SYT16: variants seen among roughly 807,000 people sequenced by gnomAD.
SYT16 encodes the protein synaptotagmin 16.
Under a neutral mutation model 61.4 loss-of-function variants are expected in SYT16, and 42 were observed. That is an observed-to-expected ratio of 0.68 (90% confidence interval 0.53 to 0.89). The LOEUF is 0.89. SYT16 is among the 40% of genes least tolerant of loss of function. SYT16 has a pLI of 0.00. For synonymous variants in SYT16, 314 were observed against 302.3 expected (o/e 1.04, Z -0.40); for missense variants, 804 against 807.3 (o/e 1.00, Z 0.05).
At chr14:61,862,130 T>C (rs1410617388) in intron 1 of SYT16, among the ~76,000 whole-genome samples, 1 of 152,250 alleles carries the variant, frequency 6.6e-6, no homozygotes, top group Admixed American at 6.5e-5. Flanking sequence ...AAGTATAATT[T>C]GCATGCAAAA....
chr14:61,904,248 G>A (rs566479307), intron 1 of SYT16, among the ~76,000 whole-genome samples: 7 of 152,274 alleles, frequency 4.6e-5, no homozygotes, highest in Admixed American at 1.3e-4. Flanking sequence ...GACTATCAAC[G>A]CTGAGGAAGT....
chr14:61,969,203 G>A (rs368183545), intron 1 of SYT16, among the ~76,000 whole-genome samples: 1 of 151,436 alleles, frequency 6.6e-6, no homozygotes. Context: ...TTTCATAAGC[G>A]TTCACATATA....
At chr14:61,872,320 C>A (rs1348678028) in intron 1 of SYT16, among the ~76,000 whole-genome samples, 1 of 151,884 alleles carries the variant, frequency 6.6e-6, no homozygotes, top group Non-Finnish European at 1.5e-5. Flanking sequence ...GTGTAAAGAT[C>A]AAGTCAGGGT....
chr14:61,968,819 C>T (rs1052892167), intron 1 of SYT16, among the ~76,000 whole-genome samples: 1 of 152,164 alleles, frequency 6.6e-6, no homozygotes, highest in African/African-American at 2.4e-5. Context: ...CTACTGCTAC[C>T]GGGTACTGCT....
chr14:61,849,059 A>G (rs2046529878), intron 1 of SYT16, among the ~76,000 whole-genome samples: 1 of 152,126 alleles, frequency 6.6e-6, no homozygotes, highest in African/African-American at 2.4e-5. Flanking sequence ...TCTTCCCTTC[A>G]AGGCAGCAGG....
At chr14:61,877,198 C>T (rs529007277) in intron 1 of SYT16, among the ~76,000 whole-genome samples, 25 of 152,118 alleles carry the variant, frequency 1.6e-4, no homozygotes, top group Admixed American at 1.2e-3. Flanking sequence ...TGGGGACTGG[C>T]GGTGGTGGAG....
intron 6 of SYT16, among the ~76,000 whole-genome samples, chr14:62,082,328 C>T (rs10150956): frequency 0.53 from 80,557 of 151,954 alleles, 22,667 homozygotes; most frequent in African/African-American, 0.72. Flanking sequence ...GTCTTCAGGC[C>T]TGAAATCCTG....
At chr14:61,856,956 T>C (rs1313745159) in intron 1 of SYT16, among the ~76,000 whole-genome samples, 1 of 152,148 alleles carries the variant, frequency 6.6e-6, no homozygotes, top group Non-Finnish European at 1.5e-5. Flanking sequence ...AAAAAGAGAA[T>C]GATCAACCAT....
At position 62,029,096 on chromosome 14, in the gene SYT16, C is replaced by T. The variant is rs114432683; in HGVS notation, c.523+32554C>T. 1.9e-3 allele frequency among the ~76,000 whole-genome samples: 295 copies of T among 152,270 alleles called. 2 individuals are homozygous for T. The highest frequency in any genetic ancestry group is 6.7e-3 in the African/African-American group (277 of 41,564). On this transcript the variant is annotated intron_variant, in intron 3 of 7. Transcript: ENST00000683842. ...ATCTGAGTGGTTCCCATAGGGCCAGCCTGAGCATCACAGTTAAGAATGAAA... is the reference window on the plus strand; with the variant it reads ...ATCTGAGTGGTTCCCATAGGGCCAGTCTGAGCATCACAGTTAAGAATGAAA...
At chr14:61,858,277 C>T (rs941626735) in intron 1 of SYT16, among the ~76,000 whole-genome samples, 3 of 152,100 alleles carry the variant, frequency 2.0e-5, no homozygotes, top group Admixed American at 1.3e-4. Flanking sequence ...GACTTTTCCA[C>T]CCAGAAGTTA....
intron 3 of SYT16, among the ~76,000 whole-genome samples, chr14:62,020,166 T>C (rs2053855767): frequency 6.6e-6 from 1 of 152,158 alleles, no homozygotes; most frequent in Non-Finnish European, 1.5e-5. Context: ...TCCCTTATTT[T>C]GTGACACCTT....
chr14:62,044,350 G>A (rs1232457947), intron 3 of SYT16, among the ~76,000 whole-genome samples: 1 of 152,086 alleles, frequency 6.6e-6, no homozygotes, highest in Non-Finnish European at 1.5e-5. Context: ...TTGTTACATA[G>A]GTATACACAT....
chr14:62,027,287 T>C (rs1190453619), intron 3 of SYT16, among the ~76,000 whole-genome samples: 1 of 152,188 alleles, frequency 6.6e-6, no homozygotes, highest in Non-Finnish European at 1.5e-5. Flanking sequence ...AGCCATGCTT[T>C]CCAAAATGAA....
chr14:62,011,899 A>ACACG (rs1204838799), intron 3 of SYT16, among the ~76,000 whole-genome samples: 4 of 131,864 alleles, frequency 3.0e-5, no homozygotes, highest in Non-Finnish European at 6.2e-5. Flanking sequence ...ACACACACAC[A>ACACG]CACACATATA....
At chr14:61,887,300 G>C (rs1405632214) in intron 1 of SYT16, among the ~76,000 whole-genome samples, 1 of 152,144 alleles carries the variant, frequency 6.6e-6, no homozygotes. Context: ...TGTCATCCAG[G>C]CTTTGTTGTT....
chr14:61,981,454 C>A (rs1329275017), intron 2 of SYT16, among the ~76,000 whole-genome samples: 1 of 152,082 alleles, frequency 6.6e-6, no homozygotes, highest in South Asian at 2.1e-4. Context: ...ATTATGGAAA[C>A]GTTCAAACAT....
At chr14:61,816,807 G>T (rs978924411) in intron 1 of SYT16, among the ~76,000 whole-genome samples, 13 of 151,016 alleles carry the variant, frequency 8.6e-5, no homozygotes, top group African/African-American at 2.9e-4. Flanking sequence ...GTCAGGAGAT[G>T]AAGACCATCC....
intron 3 of SYT16, among the ~76,000 whole-genome samples, chr14:62,034,112 C>T (rs931584079): frequency 6.6e-6 from 1 of 152,148 alleles, no homozygotes; most frequent in African/African-American, 2.4e-5. Flanking sequence ...ACTCAACATT[C>T]TTAGCTATCA....
chr14:61,984,197 C>G (rs1277982238), intron 2 of SYT16, among the ~76,000 whole-genome samples: 1 of 152,146 alleles, frequency 6.6e-6, no homozygotes, highest in Non-Finnish European at 1.5e-5. Context: ...CCTATTAAAG[C>G]TATACTCAGT....
Sources: gnomAD v4.1 joint callset for allele counts (sites outside exome capture counted in the v4.1 genomes callset) on GRCh38, gnomAD v4.1.1 for gene constraint, MANE v1.5 for transcripts, NCBI Gene and HGNC (gene_info 2026-07-23, HGNC 2026-07-21) for gene names.